The following NFAT5 variants were observed in gnomAD, a reference collection of about 807,000 sequenced individuals.
NFAT5 encodes nuclear factor of activated T-cells 5.
A neutral mutation model predicts 166.5 loss-of-function variants in NFAT5; 31 were observed. The observed-to-expected ratio is 0.19, with a 90% CI of 0.14 to 0.25. The LOEUF is 0.25. Ranked by LOEUF, NFAT5 falls within the 10% of genes least tolerant of loss-of-function variation. NFAT5 has a pLI of 1.00. For missense variants in NFAT5, 1,449 were observed against 1,821.8 expected, an observed-to-expected ratio of 0.80 and a Z score of 3.72; for synonymous variants, 612 against 639.7, an observed-to-expected ratio of 0.96 and a Z score of 0.65.
In NFAT5 at chr16:69,586,698, C is replaced by T. The variant is rs568107121; in HGVS notation, c.127+18150C>T. 3.9e-5 allele frequency among the ~76,000 whole-genome samples: 6 copies of T among 152,222 alleles called. No individual in the cohort carries two copies. In the South Asian group the frequency reaches 6.2e-4, roughly 16 times the overall value. On this transcript the variant is annotated intron_variant, in intron 2 of 14. Transcript: ENST00000349945. ...GATTACAGGCATGAGCCACCATGCC[C>T]GGCCTCGACTGGAAAATTTTTTGAC...
In NFAT5 at chr16:69,566,037, C is replaced by A; in HGVS notation, c.-265C>A. 2.1e-6 allele frequency: 1 copy of A among 471,146 alleles called. No homozygotes were observed. The highest frequency in any genetic ancestry group is 2.5e-5 in the South Asian group (1 of 39,726). The allele number at this position is 471,146 out of a possible 1,614,324, so 29.2% of individuals were successfully genotyped here. A position where few individuals can be genotyped will look rare whatever the true frequency, so the allele number is the denominator to read the frequency against. Reference sequence around the variant, plus strand: ...GCTGAGGAGAAACACGAAACGGACCCTTTGGCTCTCCCCCTTCCCCTTCCC... The same window carrying A: ...GCTGAGGAGAAACACGAAACGGACCATTTGGCTCTCCCCCTTCCCCTTCCC... On this transcript the variant is annotated 5_prime_UTR_variant, in exon 1 of 15. Transcript: ENST00000349945. The surrounding 1 kb of genome is among the most constrained non-coding windows in gnomAD (Gnocchi z 5.7).
At chr16:69,633,395 T>C (rs2151593070) in intron 3 of NFAT5, among the ~76,000 whole-genome samples, 1 of 152,332 alleles carries the variant, frequency 6.6e-6, no homozygotes, top group South Asian at 2.1e-4. Flanking sequence ...CTTTTTTATA[T>C]CACCAACAAG....
chr16:69,593,219 T>C (rs770881967), intron 2 of NFAT5, among the ~76,000 whole-genome samples: 20 of 152,226 alleles, frequency 1.3e-4, no homozygotes, highest in Admixed American at 5.2e-4. Flanking sequence ...ACTGAGTTTC[T>C]GTCTTTATCT....
chr16:69,586,047 AAAAC>A (rs146257696), intron 2 of NFAT5, among the ~76,000 whole-genome samples: 8,482 of 152,342 alleles, frequency 0.056, 284 homozygotes, highest in Middle Eastern at 0.075. Flanking sequence ...ATGCTTTCAA[AAAAC>A]AAGAAATTTT....
In NFAT5 at chr16:69,566,343, C is replaced by T. The variant is rs765590225; in HGVS notation, c.42C>T (p.Asp14=). 6.2e-7 allele frequency: 1 copy of T among 1,608,702 alleles called. No individual in the cohort carries two copies. Among genetic ancestry groups the T allele is most frequent in the South Asian group, 1.1e-5 (1 of 89,494 alleles). Residue 14 remains aspartate, a synonymous_variant, in exon 1 of 15, where the codon GAC becomes GAT. Transcript: ENST00000349945. The surrounding 1 kb of genome is among the most constrained non-coding windows in gnomAD (Gnocchi z 5.7). ...TCTCATTGCTCAGCGCGGACCTAGA[C>T]CTGGAATCGCCCAAGTCCCTCTACT... ...DFISLLSADL[D]LESPKSLYSR...
intron 2 of NFAT5, among the ~76,000 whole-genome samples, chr16:69,624,679 TATGAATCC>T (rs1370849972): frequency 6.6e-6 from 1 of 152,206 alleles, no homozygotes; most frequent in African/African-American, 2.4e-5. Flanking sequence ...TCAAAGTATT[TATGAATCC>T]AGTAAGCAGT....
At chr16:69,636,047 A>G (rs1468845462) in intron 3 of NFAT5, among the ~76,000 whole-genome samples, 5 of 152,214 alleles carry the variant, frequency 3.3e-5, no homozygotes, top group African/African-American at 7.2e-5. Context: ...CCTAGATACA[A>G]TGAGAGTACA....
intron 2 of NFAT5, among the ~76,000 whole-genome samples, chr16:69,601,460 T>C (rs1207360302): frequency 6.6e-6 from 1 of 152,156 alleles, no homozygotes; most frequent in Non-Finnish European, 1.5e-5. Context: ...CTCGACCTCC[T>C]GGGCTCAAGT....
At chr16:69,657,199 C>T (rs149934732) in intron 6 of NFAT5, among the ~76,000 whole-genome samples, 7,597 of 151,612 alleles carry the variant, frequency 0.05, 248 homozygotes, top group Middle Eastern at 0.11. Flanking sequence ...GGCACGATCT[C>T]GGCTCACTGC....
rs146271300 is a variant in NFAT5, at chr16:69,620,645, C to T, written c.128-5758C>T. Among the ~76,000 whole-genome samples the T allele has an allele frequency of 7.2e-5, 11 of 152,044 alleles. No individual in the cohort carries two copies. In the East Asian group the frequency reaches 1.2e-3, roughly 16 times the overall value. The stretch of plus-strand genomic sequence containing the variant: ...AGAAAATAATCACCCTAGTCTTGGC[C>T]GACTGAAGAAAGAGTTCCTTAGAAC... On this transcript the variant is annotated intron_variant, in intron 2 of 14. Transcript: ENST00000349945.
chr16:69,573,758 A>G (rs569517234), intron 2 of NFAT5, among the ~76,000 whole-genome samples: 1 of 151,996 alleles, frequency 6.6e-6, no homozygotes, highest in East Asian at 1.9e-4. Flanking sequence ...TCTTGGCCTG[A>G]TTTTAATTTA....
chr16:69,621,404 C>G (rs2034191664), intron 2 of NFAT5, among the ~76,000 whole-genome samples: 1 of 151,974 alleles, frequency 6.6e-6, no homozygotes, highest in South Asian at 2.1e-4. Flanking sequence ...TATCTAATAC[C>G]CATATCCCTT....
chr16:69,585,495 C>G (rs1284009571), intron 2 of NFAT5, among the ~76,000 whole-genome samples: 2 of 152,062 alleles, frequency 1.3e-5, no homozygotes, highest in African/African-American at 4.8e-5. Flanking sequence ...TAATTGAAAG[C>G]AGGGACTCAA....
chr16:69,641,879 C>T (rs2035229409), intron 3 of NFAT5, among the ~76,000 whole-genome samples: 1 of 152,126 alleles, frequency 6.6e-6, no homozygotes, highest in African/African-American at 2.4e-5. Flanking sequence ...GGGAGAATCC[C>T]TTGAGCCTAG....
rs138916549 is a variant in NFAT5 at position 69,652,406 on chromosome 16, T to C, written c.813-830T>C. ...AACAGAGGTTACAGTGAGCTGAGATTGTGCCACTGCACTCCAGCCTGGATG... is the reference window on the plus strand; with the variant it reads ...AACAGAGGTTACAGTGAGCTGAGATCGTGCCACTGCACTCCAGCCTGGATG... On this transcript the variant is annotated intron_variant, in intron 4 of 14. Coordinates refer to ENST00000349945, the MANE Select transcript of NFAT5 (RefSeq NM_138713.4). Among the ~76,000 whole-genome samples, 72 of 150,660 alleles carry C rather than the reference T, an allele frequency of 4.8e-4. 2 individuals carry two copies. The East Asian group carries it at 0.014, about 29-fold the overall frequency.
chr16:69,617,782 T>G (rs2151566892), intron 2 of NFAT5, among the ~76,000 whole-genome samples: 1 of 152,188 alleles, frequency 6.6e-6, no homozygotes, highest in African/African-American at 2.4e-5. Flanking sequence ...ATGAGCCACT[T>G]TGCCTGGCTG....
At chr16:69,640,194 G>T (rs981898173) in intron 3 of NFAT5, among the ~76,000 whole-genome samples, 1 of 152,148 alleles carries the variant, frequency 6.6e-6, no homozygotes, top group African/African-American at 2.4e-5. Flanking sequence ...GACAGTGTCT[G>T]TCAATAGTGA....
intron 2 of NFAT5, among the ~76,000 whole-genome samples, chr16:69,584,816 C>T (rs2031938090): frequency 6.6e-6 from 1 of 151,908 alleles, no homozygotes; most frequent in Non-Finnish European, 1.5e-5. Flanking sequence ...GTGGTGGATG[C>T]ACAGCTGTGA....
At chr16:69,673,584 A>G (rs1396208090) in intron 9 of NFAT5, among the ~76,000 whole-genome samples, 1 of 152,072 alleles carries the variant, frequency 6.6e-6, no homozygotes, top group Non-Finnish European at 1.5e-5. Flanking sequence ...ATAGCCAGTC[A>G]TGGTGGCACA....
Sources: allele counts gnomAD v4.1 joint callset (sites outside exome capture counted in the v4.1 genomes callset), GRCh38; gene constraint gnomAD v4.1.1; non-coding constraint Gnocchi (gnomAD v3.1); transcripts MANE v1.5; gene names NCBI Gene and HGNC (gene_info 2026-07-23, HGNC 2026-07-21).